The following GFRA2 variants were observed in gnomAD, a reference collection of about 807,000 sequenced individuals.
The protein encoded by GFRA2 is GDNF family receptor alpha-2.
GFRA2 carries 17 observed loss-of-function variants against 48.3 expected under a neutral mutation model. The observed-to-expected ratio is 0.35, with a 90% confidence interval of 0.24 to 0.53. The LOEUF is 0.53. Among genes scored for constraint, GFRA2 ranks in the 20% least tolerant of loss-of-function variants. The pLI is 0.93. For synonymous variants in GFRA2, 305 were observed against 257.2 expected (o/e 1.19, Z -1.78); for missense variants, 660 against 637.3 (o/e 1.04, Z -0.38).
intron 3 of GFRA2, among the ~76,000 whole-genome samples, chr8:21,772,578 G>A (rs1359038303): frequency 1.3e-5 from 2 of 152,132 alleles, no homozygotes; most frequent in Non-Finnish European, 2.9e-5. Context: ...GCTTCTCTGG[G>A]TGGAGCAGAG....
chr8:21,693,285 G>T lies in GFRA2; in HGVS notation c.1388C>A (p.Ala463Asp). The T allele has an allele frequency of 6.2e-7, 1 of 1,611,962 alleles. No homozygotes were observed. The highest frequency in any genetic ancestry group is 1.3e-5 in the African/African-American group (1 of 74,914). Residue 463 changes from alanine (A) to aspartate (D), a missense_variant, in exon 9 of 9, where the codon GCC becomes GAC. By Grantham distance (126) the Ala-to-Asp change is moderately radical (BLOSUM62 -2). Coordinates refer to ENST00000524240, the MANE Select transcript of GFRA2 (RefSeq NM_001495.5). The stretch of plus-strand genomic sequence containing the variant: ...TGACTCGGTTCCCACAGCCTACAAG[G>T]CCAGTTTCAGCATCAGGACAGACAG... ...TVLSVLMLKL[A>D]L
intron 3 of GFRA2, chr8:21,769,107 A>G (rs761101714): frequency 1.4e-4 from 126 of 902,686 alleles, no homozygotes; most frequent in Non-Finnish European, 1.4e-4. Flanking sequence ...GAGTGCCTAA[A>G]TGAGTATCTA....
intron 3 of GFRA2, among the ~76,000 whole-genome samples, chr8:21,769,715 C>T (rs1181341689): frequency 2.0e-5 from 3 of 152,172 alleles, no homozygotes; most frequent in South Asian, 2.1e-4. Context: ...GAGACCAACA[C>T]GTACAATCGC....
intron 3 of GFRA2, among the ~76,000 whole-genome samples, chr8:21,753,101 C>A (rs879395398): frequency 1.3e-5 from 2 of 152,214 alleles, no homozygotes; most frequent in Non-Finnish European, 2.9e-5. Flanking sequence ...TCCAAAGCCC[C>A]CCTTGGATTC....
At chr8:21,715,974 G>A (rs1803310841) in intron 4 of GFRA2, among the ~76,000 whole-genome samples, 1 of 152,148 alleles carries the variant, frequency 6.6e-6, no homozygotes, top group African/African-American at 2.4e-5. Context: ...TATTATGTAA[G>A]CCAATTGATT....
chr8:21,812,188 C>T (rs556715164), intron 1 of GFRA2: 1 of 152,360 alleles, frequency 6.6e-6, no homozygotes, highest in East Asian at 1.9e-4. Flanking sequence ...TGGCCCAGGA[C>T]AAAGGGAACC....
intron 3 of GFRA2, among the ~76,000 whole-genome samples, 198 bp downstream of exon 3, chr8:21,774,774 C>T (rs1328493753): frequency 6.6e-6 from 1 of 152,164 alleles, no homozygotes; most frequent in Non-Finnish European, 1.5e-5. Flanking sequence ...CAACGCCTTG[C>T]TCCATAGAAG....
In GFRA2 at chr8:21,788,818, CCTCT is replaced by C. The variant is rs371521393; in HGVS notation, c.-663_-660del. 132 of 977,346 alleles carry C rather than the reference CCTCT, an allele frequency of 1.4e-4. No homozygotes were observed. Among genetic ancestry groups the C allele is most frequent in the African/African-American group, 3.7e-4 (21 of 57,034 alleles). 60.5% of individuals were successfully genotyped at this position (977,346 alleles called of 1,614,324 possible). ...TCTGCGTGCGTGTGTCTTTCTCTCTCCTCTCTCTCTCTCTCCTCTCCCTCGCTCG... is the reference window on the plus strand; with the variant it reads ...TCTGCGTGCGTGTGTCTTTCTCTCTCCTCTCTCTCTCCTCTCCCTCGCTCG... On this transcript the variant is annotated 5_prime_UTR_variant, in exon 1 of 9. Coordinates refer to ENST00000524240, the MANE Select transcript of GFRA2 (RefSeq NM_001495.5).
upstream of GFRA2, chr8:21,789,262 G>A (rs1259564704): frequency 1.3e-5 from 2 of 153,394 alleles, no homozygotes; most frequent in East Asian, 3.9e-4. Flanking sequence ...GCTCGGGCTC[G>A]AACCCACTCA....
intron 4 of GFRA2, among the ~76,000 whole-genome samples, chr8:21,747,434 CA>C (rs1325112130): frequency 6.6e-6 from 1 of 152,168 alleles, no homozygotes; most frequent in Non-Finnish European, 1.5e-5. Flanking sequence ...TCAATCGCCT[CA>C]ATCGGTTTGT....
In GFRA2 at chr8:21,718,367, C is replaced by T. The variant is rs148740374; in HGVS notation, c.795-12326G>A. 2.5e-3 allele frequency among the ~76,000 whole-genome samples: 380 copies of T among 152,314 alleles called. 1 individual carries two copies. Among genetic ancestry groups the T allele is most frequent in the African/African-American group, 8.3e-3 (345 of 41,552 alleles). ...CCCCAGCCATATGGAACCGTAAGTC[C>T]GGTTAAACCTCTTTCTTTTGTGAAT... is the stretch of plus-strand genomic sequence containing the variant. On this transcript the variant is annotated intron_variant, in intron 4 of 8. Coordinates refer to ENST00000524240, the MANE Select transcript of GFRA2 (RefSeq NM_001495.5).
chr8:21,777,014 TG>T (rs1806739865), intron 2 of GFRA2, among the ~76,000 whole-genome samples: 1 of 152,206 alleles, frequency 6.6e-6, no homozygotes, highest in Non-Finnish European at 1.5e-5. Context: ...GTGCCAGCAC[TG>T]AAAGTGCTTT....
In GFRA2 at chr8:21,775,054, A is replaced by G; in HGVS notation, c.357T>C (p.Gly119=). 3 of 1,548,288 alleles carry G rather than the reference A, an allele frequency of 1.9e-6. No individual in the cohort carries two copies. The highest frequency in any genetic ancestry group is 2.7e-6 in the Non-Finnish European group (3 of 1,120,778). The change falls in exon 3 of 9, where the codon GGT becomes GGC. Residue 119 remains glycine (G), a splice_region_variant and synonymous_variant. Transcript: ENST00000524240. ...YWSIHLGLTE[G]EEFYEASPYE... ...AGGGGGAGGCTTCGTAGAACTCCTC[A>G]CCTGGAAGACAGAACAGGCATCAGA...
intron 2 of GFRA2, among the ~76,000 whole-genome samples, chr8:21,780,382 C>A (rs1396789755): frequency 5.9e-5 from 9 of 151,348 alleles, no homozygotes; most frequent in Non-Finnish European, 7.4e-5. Flanking sequence ...CTGGGATGAA[C>A]CCTACCTTGT....
chr8:21,770,654 ACC>A (rs1806394558), intron 3 of GFRA2, among the ~76,000 whole-genome samples: 1 of 152,058 alleles, frequency 6.6e-6, no homozygotes, highest in African/African-American at 2.4e-5. Context: ...CCTGCCCCTC[ACC>A]CAGGATGCAG....
upstream of GFRA2, among the ~76,000 whole-genome samples, chr8:21,793,395 G>C (rs898240377): frequency 5.9e-5 from 9 of 152,150 alleles, no homozygotes; most frequent in South Asian, 4.1e-4. Flanking sequence ...AGAGGGAGAG[G>C]GTTGTCAGAG....
chr8:21,702,837 T>C lies in GFRA2; in HGVS notation c.1186A>G (p.Thr396Ala). 6.2e-7 allele frequency: 1 copy of C among 1,609,386 alleles called. No homozygotes were observed. The highest frequency in any genetic ancestry group is 8.5e-7 in the Non-Finnish European group (1 of 1,177,674). The change falls in exon 7 of 9, where the codon ACC becomes GCC. Residue 396 changes from threonine to alanine, a missense_variant. By Grantham distance (58) the Thr-to-Ala change is moderately conservative. Transcript: ENST00000524240. ...DDLSDSTSLG[T>A]SVITTCTSVQ... ...GACGTGCAGGTGGTGATGACACTGG[T>C]CCCCAAGCTGGTACTGTCACTGAGG... is the stretch of plus-strand genomic sequence containing the variant.
Position 21,750,594 on chromosome 8 carries a change from AG to A in GFRA2, c.787del (p.Leu263CysfsTer38). The A allele has an allele frequency of 6.3e-7, 1 of 1,595,456 alleles. No homozygotes were observed. Among genetic ancestry groups the A allele is most frequent in the Non-Finnish European group, 8.6e-7 (1 of 1,168,326 alleles). On this transcript the variant is annotated frameshift_variant, in exon 4 of 9. Coordinates refer to ENST00000524240, the MANE Select transcript of GFRA2 (RefSeq NM_001495.5). LOFTEE classifies it high-confidence loss of function. This position sits in a 1 kb window ranked among gnomAD's most constrained non-coding sequence, Gnocchi z 5.7. ...GGGCTGCCGCGGCACTCACCGACACAGGTGGTCAGTCCGGCACACGCCACGC... is the reference window on the plus strand; with the variant it reads ...GGGCTGCCGCGGCACTCACCGACACAGTGGTCAGTCCGGCACACGCCACGC... ...DLRGVCRTDH[L>X]CRSRLADFHA...
intron 4 of GFRA2, among the ~76,000 whole-genome samples, chr8:21,711,688 C>CTTTTTTTTTTTTT (rs1198915473): frequency 7.5e-6 from 1 of 132,602 alleles, no homozygotes; most frequent in African/African-American, 3.0e-5. Flanking sequence ...AACAGTTTTT[C>CTTTTTTTTTTTTT]TTTTTTTTTT....
Sources: allele counts gnomAD v4.1 joint callset (sites outside exome capture counted in the v4.1 genomes callset), GRCh38; gene constraint gnomAD v4.1.1; non-coding constraint Gnocchi (gnomAD v3.1); transcripts MANE v1.5; gene names NCBI Gene and HGNC (gene_info 2026-07-23, HGNC 2026-07-21).